SCMH1: variants seen among roughly 807,000 people sequenced by gnomAD.
The protein encoded by SCMH1 is polycomb protein SCMH1.
Under a neutral mutation model 70.8 loss-of-function variants are expected in SCMH1, and 37 were observed. The observed-to-expected ratio is 0.52, with a 90% CI of 0.40 to 0.69. The LOEUF (loss-of-function observed/expected upper bound fraction) is 0.69. Among genes scored for constraint, SCMH1 ranks in the 30% least tolerant of loss-of-function variants. The pLI is 0.00. For missense variants in SCMH1, 607 were observed against 827.3 expected, an observed-to-expected ratio of 0.73 and a Z score of 3.27; for synonymous variants, 292 against 307.4, an observed-to-expected ratio of 0.95 and a Z score of 0.52.
intron 8 of SCMH1, among the ~76,000 whole-genome samples, chr1:41,102,812 CAGAA>C (rs1666950328): frequency 6.6e-6 from 1 of 152,118 alleles, no homozygotes; most frequent in Non-Finnish European, 1.5e-5. Flanking sequence ...TTAGGCCACT[CAGAA>C]AGGTGGCATG....
chr1:41,205,129 G>A (rs954360620), intron 1 of SCMH1, among the ~76,000 whole-genome samples: 2 of 152,200 alleles, frequency 1.3e-5, no homozygotes, highest in African/African-American at 2.4e-5. Context: ...CATGATCGAT[G>A]CAGAATACGG....
At chr1:41,216,008 T>C (rs1487704866) in intron 1 of SCMH1, among the ~76,000 whole-genome samples, 1 of 152,218 alleles carries the variant, frequency 6.6e-6, no homozygotes, top group African/African-American at 2.4e-5. Flanking sequence ...ACAATGGCAG[T>C]TGCCCTGAAG....
chr1:41,069,305 G>C (rs1655679367), intron 10 of SCMH1, among the ~76,000 whole-genome samples: 1 of 152,176 alleles, frequency 6.6e-6, no homozygotes, highest in Non-Finnish European at 1.5e-5. Flanking sequence ...TCATCTTCTA[G>C]AGTGGGTAGT....
At chr1:41,180,440 G>A (rs1010855135) in intron 2 of SCMH1, among the ~76,000 whole-genome samples, 1 of 152,146 alleles carries the variant, frequency 6.6e-6, no homozygotes, top group Non-Finnish European at 1.5e-5. Context: ...TGTTTGCAGA[G>A]GACATGATTG....
chr1:41,089,787 CTTT>C (rs373229472), intron 8 of SCMH1, among the ~76,000 whole-genome samples: 601 of 58,726 alleles, frequency 0.01, 18 homozygotes, highest in African/African-American at 0.04. Flanking sequence ...CATGTTGTCT[CTTT>C]TTTTTTTTTT....
intron 8 of SCMH1, among the ~76,000 whole-genome samples, chr1:41,079,934 G>C (rs1279776141): frequency 6.6e-6 from 1 of 151,778 alleles, no homozygotes; most frequent in Admixed American, 6.6e-5. Context: ...GTTGGCTCTT[G>C]TCTGCCCTTA....
At chr1:41,105,684 T>C (rs983416743) in intron 8 of SCMH1, among the ~76,000 whole-genome samples, 1 of 152,180 alleles carries the variant, frequency 6.6e-6, no homozygotes, top group African/African-American at 2.4e-5. Context: ...TCAAAGAATA[T>C]GCCCCCCACC....
intron 1 of SCMH1, among the ~76,000 whole-genome samples, chr1:41,209,085 T>A (rs1425221980): frequency 6.7e-6 from 1 of 149,234 alleles, no homozygotes; most frequent in Non-Finnish European, 1.5e-5. Context: ...ACTACCAAAA[T>A]GCCTCTACGC....
At chr1:41,073,207 C>T (rs953423769) in intron 9 of SCMH1, among the ~76,000 whole-genome samples, 1 of 152,154 alleles carries the variant, frequency 6.6e-6, no homozygotes, top group African/African-American at 2.4e-5. Context: ...CATCCAGTCC[C>T]TGATGAAACA....
chr1:41,131,487 T>C (rs575947656), intron 6 of SCMH1, among the ~76,000 whole-genome samples: 1 of 152,184 alleles, frequency 6.6e-6, no homozygotes, highest in Admixed American at 6.5e-5. Context: ...TTACTGATAG[T>C]TAAGTGATTT....
chr1:41,155,507 A>AAACC (rs1645442351), intron 4 of SCMH1, among the ~76,000 whole-genome samples: 1 of 151,968 alleles, frequency 6.6e-6, no homozygotes, highest in Non-Finnish European at 1.5e-5. Flanking sequence ...ACATGGAGCA[A>AAACC]AAACAAACAA....
chr1:41,121,270 G>A (rs1227168615), intron 6 of SCMH1, among the ~76,000 whole-genome samples: 1 of 152,166 alleles, frequency 6.6e-6, no homozygotes, highest in East Asian at 1.9e-4. Context: ...GAGGCTTAGA[G>A]AAATTAAGTA....
chr1:41,154,499 T>C (rs1297264649), intron 4 of SCMH1, among the ~76,000 whole-genome samples: 1 of 152,220 alleles, frequency 6.6e-6, no homozygotes, highest in Non-Finnish European at 1.5e-5. Context: ...ATATTTAAAC[T>C]TCTCCAAGTA....
At chr1:41,092,603 A>C (rs1177050932) in intron 8 of SCMH1, among the ~76,000 whole-genome samples, 2 of 152,236 alleles carry the variant, frequency 1.3e-5, no homozygotes, top group Non-Finnish European at 2.9e-5. Context: ...AAATGGGAGA[A>C]AATTTTTGCA....
At chr1:41,194,071 A>G (rs1652408276) in intron 1 of SCMH1, among the ~76,000 whole-genome samples, 1 of 152,210 alleles carries the variant, frequency 6.6e-6, no homozygotes, top group African/African-American at 2.4e-5. Flanking sequence ...TATTAGTTAC[A>G]GGATTTTGAA....
At chr1:41,130,245 G>C (rs530050561) in intron 6 of SCMH1, among the ~76,000 whole-genome samples, 1 of 152,180 alleles carries the variant, frequency 6.6e-6, no homozygotes, top group Non-Finnish European at 1.5e-5. Context: ...GAATAACACA[G>C]TTGCAGGAGT....
chr1:41,070,491 T>A (rs1298190055), intron 10 of SCMH1, 104 bp downstream of exon 10: 2 of 1,391,938 alleles, frequency 1.4e-6, no homozygotes, highest in African/African-American at 2.9e-5. Context: ...ATATTTTACC[T>A]AGGTTTACAA....
rs1227801344 is a variant in SCMH1 at position 41,161,018 on chromosome 1, C to T, written c.83-120G>A. 5 of 1,042,010 alleles carry T rather than the reference C, an allele frequency of 4.8e-6. No homozygotes were observed. In the African/African-American group the frequency reaches 8.0e-5, roughly 17 times the overall value. The allele number at this position is 1,042,010 out of a possible 1,614,324, so 64.5% of individuals were successfully genotyped here. A position where few individuals can be genotyped will look rare whatever the true frequency, so the allele number is the denominator to read the frequency against. On this transcript the variant is annotated intron_variant, in intron 3 of 14. Transcript: ENST00000337495. ...ATTTGTCTAGTTCAGTTATCTCATCCTAAAAGACACTGAGATTCTTAGTAG... is the reference window on the plus strand; with the variant it reads ...ATTTGTCTAGTTCAGTTATCTCATCTTAAAAGACACTGAGATTCTTAGTAG...
At chr1:41,174,401 A>G (rs1407806033) in intron 2 of SCMH1, among the ~76,000 whole-genome samples, 1 of 151,886 alleles carries the variant, frequency 6.6e-6, no homozygotes, top group African/African-American at 2.4e-5. Flanking sequence ...CTGAACTACT[A>G]CTCCACAATG....
Sources: gnomAD v4.1 joint callset for allele counts (sites outside exome capture counted in the v4.1 genomes callset) on GRCh38, gnomAD v4.1.1 for gene constraint, MANE v1.5 for transcripts, NCBI Gene and HGNC (gene_info 2026-07-23, HGNC 2026-07-21) for gene names.